FAM161B: variants seen among roughly 807,000 people sequenced by gnomAD.
FAM161B encodes the protein FAM161 centrosomal protein B, also known as protein FAM161B.
In FAM161B, 46 loss-of-function variants were observed where a neutral mutation model predicts 61.5. That is an observed-to-expected ratio of 0.75 (90% CI 0.59 to 0.96). The LOEUF (loss-of-function observed/expected upper bound fraction) is 0.96, where lower values mean the gene tolerates loss of function less well. Among genes scored for constraint, FAM161B ranks in the 40% least tolerant of loss-of-function variants. FAM161B has a pLI of 0.00. For synonymous variants in FAM161B, 284 were observed against 302.7 expected, an observed-to-expected ratio of 0.94 and a Z score of 0.64; for missense variants, 774 against 800.7, an observed-to-expected ratio of 0.97 and a Z score of 0.40.
Position 73,933,828 on chromosome 14 carries a change from C to CTT in FAM161B, c.*426_*427dup. 1.3e-5 allele frequency: 2 copies of CTT among 154,284 alleles called. No homozygotes were observed. The highest frequency in any genetic ancestry group is 6.5e-5 in the Admixed American group (1 of 15,436). The allele number at this position is 154,284 out of a possible 1,614,324, so 9.6% of individuals were successfully genotyped here. On this transcript the variant is annotated 3_prime_UTR_variant, in exon 9 of 9. Transcript: ENST00000286544. ...GAACTATTCTCTGTTATCTGCTGCT[C>CTT]TTTTTTTTTCTCAGACAGAGTTTTG...
chr14:73,931,553 G>C (rs1396149180), downstream of FAM161B: 1 of 1,610,388 alleles, frequency 6.2e-7, no homozygotes, highest in African/African-American at 1.3e-5. Context: ...CGTGGGTGCT[G>C]ACTCCTGGAA....
intron 5 of FAM161B, among the ~76,000 whole-genome samples, chr14:73,940,595 C>T (rs983036403): frequency 1.3e-5 from 2 of 152,148 alleles, no homozygotes; most frequent in Admixed American, 6.5e-5. Context: ...CCCTTTACCC[C>T]CCATCATTGC....
intron 5 of FAM161B, among the ~76,000 whole-genome samples, chr14:73,939,142 C>T (rs1315558828): frequency 3.3e-5 from 5 of 151,526 alleles, no homozygotes. Flanking sequence ...ACCAAAACTA[C>T]AAAAAAAATT....
In FAM161B at chr14:73,946,593, C is replaced by CG. The variant is rs775951198; in HGVS notation, c.66dup (p.Glu23ArgfsTer26). ...CCTGCCTCTGTGTCTGCGAAGGACTCGGGGGGAAATATCTAAAATAGAATA... is the reference window on the plus strand; with the variant it reads ...CCTGCCTCTGTGTCTGCGAAGGACTCGGGGGGGAAATATCTAAAATAGAATA... On this transcript the variant is annotated frameshift_variant, in exon 2 of 9. Transcript: ENST00000286544. LOFTEE classifies it high-confidence loss of function. 3.0e-5 allele frequency: 49 copies of CG among 1,612,656 alleles called. No homozygotes were observed. The highest frequency in any genetic ancestry group is 3.8e-5 in the Non-Finnish European group (45 of 1,179,036).
chr14:73,928,545 T>C (rs1222015554), downstream of FAM161B, among the ~76,000 whole-genome samples: 1 of 152,180 alleles, frequency 6.6e-6, no homozygotes, highest in African/African-American at 2.4e-5. Context: ...GTACATTTGT[T>C]CCCTAGAACC....
rs2056028760 is a variant in FAM161B, at chr14:73,942,561, A to C, written c.1080T>G (p.Thr360=). 1 of 1,614,202 alleles carries C rather than the reference A, an allele frequency of 6.2e-7. No homozygotes were observed. The highest frequency in any genetic ancestry group is 8.5e-7 in the Non-Finnish European group (1 of 1,180,036). The change falls in exon 4 of 9, where the codon ACT becomes ACG. Residue 360 remains threonine, a synonymous_variant. Coordinates refer to ENST00000286544, the MANE Select transcript of FAM161B (RefSeq NM_152445.3). ...TCACCCGAGGCTGGAATCTGAAGTTAGTGTGCAGAAACCCAAGCTTTTCCT... is the reference window on the plus strand; with the variant it reads ...TCACCCGAGGCTGGAATCTGAAGTTCGTGTGCAGAAACCCAAGCTTTTCCT... The part of the protein sequence containing the change: ...TQQEKLGFLH[T]NFRFQPRVNP...
At chr14:73,937,395 G>A (rs962774373) in intron 7 of FAM161B, among the ~76,000 whole-genome samples, 4 of 152,158 alleles carry the variant, frequency 2.6e-5, no homozygotes, top group Non-Finnish European at 4.4e-5. Context: ...TCCCTTTATC[G>A]ATGCCTTTGG....
intron 3 of FAM161B, among the ~76,000 whole-genome samples, 164 bp from the exon 4 acceptor site, chr14:73,942,879 G>A (rs1047640826): frequency 1.3e-5 from 2 of 152,018 alleles, no homozygotes; most frequent in African/African-American, 4.8e-5. Context: ...CCTGCAGATG[G>A]CCTGAATAGG....
chr14:73,935,044 G>A (rs1240112326), intron 8 of FAM161B, among the ~76,000 whole-genome samples: 2 of 143,350 alleles, frequency 1.4e-5, no homozygotes, highest in South Asian at 2.4e-4. Context: ...ACCTGGCGAC[G>A]GAGCAAGACT....
Position 73,938,081 on chromosome 14 carries a change from C to G in FAM161B, c.1432G>C (p.Glu478Gln). The change falls in exon 6 of 9, where the codon GAG becomes CAG. Residue 478 changes from glutamate to glutamine, a missense_variant. Physicochemically the swap from Glu to Gln is conservative, Grantham distance 29 (BLOSUM62 2). Coordinates refer to ENST00000286544, the MANE Select transcript of FAM161B (RefSeq NM_152445.3). ...TGTATCTCCAGCCACTGAATACTCTCATCTGCTTTGTTCTTTTTTTCAAGT... is the reference window on the plus strand; with the variant it reads ...TGTATCTCCAGCCACTGAATACTCTGATCTGCTTTGTTCTTTTTTTCAAGT... ...SALEKKNKAD[E>Q]SIQWLEIHKK... The G allele has an allele frequency of 6.2e-7, 1 of 1,614,150 alleles. No homozygotes were observed. Among genetic ancestry groups the G allele is most frequent in the Non-Finnish European group, 8.5e-7 (1 of 1,180,012 alleles).
chr14:73,934,101 C>T lies in FAM161B; in HGVS notation c.*155G>A, dbSNP rs1308544883. On this transcript the variant is annotated 3_prime_UTR_variant, in exon 9 of 9. Transcript: ENST00000286544. ...CCTCCCAAAGTGTTGGGATTACAGG[C>T]GTGAGCCACTGCGCCTGGCCTGTTA... is the stretch of plus-strand genomic sequence containing the variant. 8 of 839,884 alleles carry T rather than the reference C, an allele frequency of 9.5e-6. No homozygotes were observed. The highest frequency in any genetic ancestry group is 5.8e-5 in the East Asian group (2 of 34,380). The allele number at this position is 839,884 out of a possible 1,614,324, so 52.0% of individuals were successfully genotyped here. A position where few individuals can be genotyped will look rare whatever the true frequency, so the allele number is the denominator to read the frequency against.
intron 8 of FAM161B, 152 bp from the exon 9 acceptor site, chr14:73,934,546 C>T: frequency 1.6e-6 from 1 of 627,416 alleles, no homozygotes; most frequent in Non-Finnish European, 2.6e-6. Context: ...AAGCAATCCT[C>T]CCACCTTAGC....
At chr14:73,949,730 G>C in intron 1 of FAM161B, among the ~76,000 whole-genome samples, 1 of 152,076 alleles carries the variant, frequency 6.6e-6, no homozygotes, top group Non-Finnish European at 1.5e-5. Context: ...GACGACAATT[G>C]TACTACTGGT....
the FAM161B span, among the ~76,000 whole-genome samples, chr14:73,925,467 G>A: frequency 2.0e-5 from 3 of 150,138 alleles, no homozygotes; most frequent in Non-Finnish European, 4.4e-5. Flanking sequence ...TCCCACTGTC[G>A]CCCAGGCTGG....
intron 2 of FAM161B, 78 bp downstream of exon 2, chr14:73,946,208 G>A: frequency 2.8e-6 from 4 of 1,424,432 alleles, no homozygotes; most frequent in Non-Finnish European, 3.8e-6. Flanking sequence ...GCTTTACAGA[G>A]GAAGATGAAG....
rs750134514 is a variant in FAM161B at position 73,934,323 on chromosome 14, G to A, written c.1877C>T (p.Ala626Val). The A allele has an allele frequency of 1.9e-6, 3 of 1,614,022 alleles. No individual in the cohort carries two copies. The highest frequency in any genetic ancestry group is 8.5e-7 in the Non-Finnish European group (1 of 1,180,014). ...QGLEGSLEQP[A>V]SPRKVLEELS... ...CTCCTCCAGTACTTTCCTGGGGCTT[G>A]CAGGCTGTTCTAGAGATCCTTCTAA... The change falls in exon 9 of 9, where the codon GCA becomes GTA. Residue 626 changes from alanine (A) to valine (V), a missense_variant. By Grantham distance (64) the Ala-to-Val change is moderately conservative. Coordinates refer to ENST00000286544, the MANE Select transcript of FAM161B (RefSeq NM_152445.3).
At chr14:73,926,309 G>T in the FAM161B span, among the ~76,000 whole-genome samples, 2 of 151,922 alleles carry the variant, frequency 1.3e-5, no homozygotes, top group Non-Finnish European at 2.9e-5. Context: ...TGGTTTGCTA[G>T]AGTCAGGATT....
intron 8 of FAM161B, among the ~76,000 whole-genome samples, chr14:73,935,330 A>C (rs1489819391): frequency 6.6e-6 from 1 of 152,060 alleles, no homozygotes; most frequent in Non-Finnish European, 1.5e-5. Flanking sequence ...GATCGAGACC[A>C]TCCTGGCTAA....
chr14:73,942,234 A>T, intron 4 of FAM161B, 135 bp downstream of exon 4: 2 of 843,068 alleles, frequency 2.4e-6, no homozygotes, highest in Non-Finnish European at 3.6e-6. Context: ...AGGAAAGTGA[A>T]TCTGCTTACA....
Sources: allele counts gnomAD v4.1 joint callset (sites outside exome capture counted in the v4.1 genomes callset), GRCh38; gene constraint gnomAD v4.1.1; transcripts MANE v1.5; gene names NCBI Gene and HGNC (gene_info 2026-07-23, HGNC 2026-07-21).